The following NSF variants were observed in gnomAD, a reference collection of about 807,000 sequenced individuals.
NSF encodes vesicle-fusing ATPase.
A neutral mutation model predicts 50.3 loss-of-function variants in NSF; 14 were observed. The ratio of observed to expected loss-of-function variants is 0.28; its 90% CI spans 0.18 to 0.44. The LOEUF (loss-of-function observed/expected upper bound fraction) is 0.44, where lower values mean the gene tolerates loss of function less well. Among genes scored for constraint, NSF ranks in the 20% least tolerant of loss-of-function variants. The pLI is 1.00. For missense variants in NSF, 218 were observed against 504.3 expected, an observed-to-expected ratio of 0.43 and a Z score of 5.44; for synonymous variants, 109 against 175.7, an observed-to-expected ratio of 0.62 and a Z score of 3.00.
chr17:46,754,129 C>T (rs2059210233), intron 19 of NSF, among the ~76,000 whole-genome samples: 1 of 146,024 alleles, frequency 6.8e-6, no homozygotes, highest in Non-Finnish European at 1.5e-5. Flanking sequence ...GTACCAACTA[C>T]AACTGCGCTC....
At chr17:46,743,595 C>T (rs1020890541) in intron 17 of NSF, among the ~76,000 whole-genome samples, 3 of 152,246 alleles carry the variant, frequency 2.0e-5, no homozygotes, top group African/African-American at 7.2e-5. Flanking sequence ...GGACTTGCCT[C>T]ACCATTGCTT....
chr17:46,610,095 C>CTT lies in NSF; in HGVS notation c.13-14148_13-14147insTT, dbSNP rs1175634214. Among the ~76,000 whole-genome samples, 2 of 42,102 alleles carry CTT rather than the reference C, an allele frequency of 4.8e-5. 1 individual carries two copies. The highest frequency in any genetic ancestry group is 1.0e-4 in the Non-Finnish European group (2 of 19,172). 27.6% of individuals were successfully genotyped at this position (42,102 alleles called of 152,430 possible). On this transcript the variant is annotated intron_variant, in intron 1 of 20. Coordinates refer to ENST00000398238, the MANE Select transcript of NSF (RefSeq NM_006178.4). ...TTCTTTCCTTCTTTCTTTCTTTTCT[C>CTT]TCTTTCTCTCTCTCTCTCTCTCTCT...
In NSF at chr17:46,610,007, C is replaced by CTCTTTCTT. The variant is rs200774023; in HGVS notation, c.13-14221_13-14214dup. On this transcript the variant is annotated intron_variant, in intron 1 of 20. Transcript: ENST00000398238. ...AGGCTAATTTATTTTCTTTCTTTCT[C>CTCTTTCTT]TCTTTCTTTCTTTCTTTCTTTCTCT... Among the ~76,000 whole-genome samples, 530 of 116,966 alleles carry CTCTTTCTT rather than the reference C, an allele frequency of 4.5e-3. 3 individuals carry two copies. The highest frequency in any genetic ancestry group is 0.012 in the African/African-American group (395 of 31,682). 76.7% of individuals were successfully genotyped at this position (116,966 alleles called of 152,430 possible).
intron 17 of NSF, among the ~76,000 whole-genome samples, chr17:46,745,043 T>A (rs1335516422): frequency 0.031 from 1 of 32 alleles, no homozygotes; most frequent in Non-Finnish European, 0.25. Flanking sequence ...CACTCTGTGC[T>A]TTTTTTTTTG....
At chr17:46,598,626 A>G (rs924840142) in intron 1 of NSF, among the ~76,000 whole-genome samples, 16 of 152,168 alleles carry the variant, frequency 1.1e-4, no homozygotes, top group Admixed American at 8.5e-4. Flanking sequence ...TGTTAGAGGT[A>G]AAATTTGTCG....
At chr17:46,715,894 C>T (rs1007617786) in intron 15 of NSF, among the ~76,000 whole-genome samples, 2 of 152,140 alleles carry the variant, frequency 1.3e-5, no homozygotes, top group East Asian at 3.8e-4. Flanking sequence ...TGTTTTAATT[C>T]ATGATTCACT....
intron 1 of NSF, among the ~76,000 whole-genome samples, chr17:46,606,021 A>G (rs2057955570): frequency 7.6e-6 from 1 of 130,874 alleles, no homozygotes; most frequent in African/African-American, 3.2e-5. Context: ...AAAAAAAAAA[A>G]AAAAAAAATT....
At chr17:46,718,048 C>A (rs1453016368) in intron 15 of NSF, among the ~76,000 whole-genome samples, 1 of 152,218 alleles carries the variant, frequency 6.6e-6, no homozygotes, top group East Asian at 1.9e-4. Flanking sequence ...CTTTCTCCCT[C>A]AGAGTGACAC....
At chr17:46,720,235 G>A (rs971564378) in intron 15 of NSF, among the ~76,000 whole-genome samples, 13 of 152,124 alleles carry the variant, frequency 8.5e-5, no homozygotes, top group Non-Finnish European at 1.9e-4. Flanking sequence ...TGGGCACTCC[G>A]GAAGTGACTA....
At chr17:46,750,555 C>T (rs1361609268) in intron 18 of NSF, among the ~76,000 whole-genome samples, 1 of 152,158 alleles carries the variant, frequency 6.6e-6, no homozygotes, top group African/African-American at 2.4e-5. Flanking sequence ...ATTAGGGATA[C>T]TCAACCTGTA....
intron 17 of NSF, among the ~76,000 whole-genome samples, chr17:46,737,899 A>G (rs2146313906): frequency 6.7e-6 from 1 of 149,954 alleles, no homozygotes; most frequent in East Asian, 2.0e-4. Flanking sequence ...TATGTATGCT[A>G]AAATTAGCAT....
intron 17 of NSF, among the ~76,000 whole-genome samples, chr17:46,737,148 T>TG (rs2059014114): frequency 1.3e-5 from 2 of 152,162 alleles, no homozygotes; most frequent in African/African-American, 2.4e-5. Flanking sequence ...ACATTGTACC[T>TG]GCCCTCAGAT....
At chr17:46,753,711 C>T (rs1214014519) in intron 19 of NSF, among the ~76,000 whole-genome samples, 3 of 152,100 alleles carry the variant, frequency 2.0e-5, no homozygotes, top group South Asian at 2.1e-4. Flanking sequence ...CAAGTTAATG[C>T]TTCTTATGCA....
intron 9 of NSF, among the ~76,000 whole-genome samples, chr17:46,684,634 A>G (rs970912100): frequency 1.3e-5 from 2 of 151,940 alleles, no homozygotes; most frequent in Admixed American, 1.3e-4. Flanking sequence ...CAAACCTGAC[A>G]AAAACAAGCA....
rs548840116 is a variant in NSF at position 46,719,374 on chromosome 17, G to A, written c.1761+5388G>A. Among the ~76,000 whole-genome samples the A allele has an allele frequency of 7.2e-5, 11 of 152,280 alleles. No homozygotes were observed. The highest frequency in any genetic ancestry group is 7.2e-4 in the Admixed American group (11 of 15,296). On this transcript the variant is annotated intron_variant, in intron 15 of 20. Transcript: ENST00000398238. This position sits in a 1 kb window ranked among gnomAD's most constrained non-coding sequence, Gnocchi z 4.3. ...TAGGCTTGCTTTAATGAGTACATGA[G>A]ATTTTATTATAATTATACTATTGCC...
chr17:46,635,622 T>C (rs954536529), intron 4 of NSF, among the ~76,000 whole-genome samples: 1 of 86,018 alleles, frequency 1.2e-5, no homozygotes, highest in Non-Finnish European at 2.6e-5. Context: ...AGGCAAACCA[T>C]AGGCTGATGG....
intron 15 of NSF, among the ~76,000 whole-genome samples, chr17:46,720,358 C>T (rs1303329976): frequency 6.6e-6 from 1 of 152,126 alleles, no homozygotes; most frequent in Non-Finnish European, 1.5e-5. Flanking sequence ...GCAGAACTTT[C>T]AGACCTTGTG....
chr17:46,693,520 A>G (rs1187445545), intron 10 of NSF, among the ~76,000 whole-genome samples: 2 of 150,396 alleles, frequency 1.3e-5, no homozygotes, highest in African/African-American at 4.9e-5. Flanking sequence ...CTGGGGGAAA[A>G]AAAAAAAAAA....
chr17:46,609,194 CT>C (rs2057981177), intron 1 of NSF, among the ~76,000 whole-genome samples: 1 of 148,152 alleles, frequency 6.7e-6, no homozygotes, highest in Admixed American at 6.6e-5. Flanking sequence ...GTTGGTTACC[CT>C]GGGTGTGTTC....
Sources: gnomAD v4.1 joint callset for allele counts (sites outside exome capture counted in the v4.1 genomes callset) on GRCh38, gnomAD v4.1.1 for gene constraint, Gnocchi (gnomAD v3.1) non-coding constraint, MANE v1.5 for transcripts, NCBI Gene and HGNC (gene_info 2026-07-23, HGNC 2026-07-21) for gene names.